The following MYO9A variants were observed in gnomAD, a reference collection of about 807,000 sequenced individuals.
MYO9A encodes myosin IXA, also known as unconventional myosin-IXa.
A neutral mutation model predicts 293.3 loss-of-function variants in MYO9A; 103 were observed. The ratio of observed to expected loss-of-function variants is 0.35; its 90% CI spans 0.30 to 0.41. The LOEUF (loss-of-function observed/expected upper bound fraction) is 0.41. MYO9A is among the 10% of genes least tolerant of loss of function. The pLI, the probability that MYO9A is intolerant of heterozygous loss-of-function variation, is 1.00. For synonymous variants in MYO9A, 1,001 were observed against 1,035.7 expected, an observed-to-expected ratio of 0.97 and a Z score of 0.64; for missense variants, 2,685 against 3,033.0, an observed-to-expected ratio of 0.89 and a Z score of 2.69.
At chr15:71,979,223 C>G (rs1002380193) in intron 11 of MYO9A, among the ~76,000 whole-genome samples, 2 of 152,102 alleles carry the variant, frequency 1.3e-5, no homozygotes, top group African/African-American at 4.8e-5. Flanking sequence ...GTTACTCTAA[C>G]TAGGAAAGGT....
Position 71,927,084 on chromosome 15 carries a change from G to T in MYO9A, c.2562+6586C>A, listed in dbSNP as rs1040518121. Among the ~76,000 whole-genome samples the T allele has an allele frequency of 1.3e-4, 20 of 152,116 alleles. 1 individual carries two copies. The highest frequency in any genetic ancestry group is 3.9e-4 in the Admixed American group (6 of 15,276). ...GCCCATCCTCAGGCCCTCGGGGAGG[G>T]CACAAATCCAATGATCACAGGAGCT... On this transcript the variant is annotated intron_variant, in intron 18 of 41. Coordinates refer to ENST00000356056, the MANE Select transcript of MYO9A (RefSeq NM_006901.4).
chr15:71,936,607 T>C (rs926989249), intron 16 of MYO9A, among the ~76,000 whole-genome samples: 15 of 152,130 alleles, frequency 9.9e-5, no homozygotes, highest in African/African-American at 3.1e-4. Context: ...ATAATATGTA[T>C]AATTATTATG....
chr15:71,848,745 A>G (rs1283871617), intron 39 of MYO9A, 100 bp downstream of exon 39: 1 of 1,358,558 alleles, frequency 7.4e-7, no homozygotes, highest in African/African-American at 1.5e-5. Flanking sequence ...TGTTTTTTAT[A>G]AAAAAGATTC....
intron 16 of MYO9A, among the ~76,000 whole-genome samples, chr15:71,936,685 A>C (rs1055291436): frequency 6.6e-6 from 1 of 152,146 alleles, no homozygotes; most frequent in African/African-American, 2.4e-5. Flanking sequence ...ACATTTGTCC[A>C]TATTTATAAA....
intron 1 of MYO9A, among the ~76,000 whole-genome samples, chr15:72,098,891 G>A (rs1333512174): frequency 6.6e-6 from 1 of 151,332 alleles, no homozygotes; most frequent in Non-Finnish European, 1.5e-5. Flanking sequence ...ACGAAGAAGT[G>A]ATAAGTAGAG....
At chr15:71,981,198 T>C (rs946133272) in intron 11 of MYO9A, among the ~76,000 whole-genome samples, 1 of 152,246 alleles carries the variant, frequency 6.6e-6, no homozygotes, top group African/African-American at 2.4e-5. Context: ...AATGTTTGTT[T>C]AGAATTTTTG....
intron 1 of MYO9A, among the ~76,000 whole-genome samples, chr15:72,101,105 G>C (rs1340340901): frequency 4.9e-5 from 7 of 141,826 alleles, no homozygotes; most frequent in Admixed American, 1.4e-4. Flanking sequence ...CGCCCCGTCC[G>C]GGAGGGAGGT....
intron 32 of MYO9A, among the ~76,000 whole-genome samples, chr15:71,869,472 TAAGG>T (rs1412674336): frequency 6.6e-6 from 1 of 152,150 alleles, no homozygotes; most frequent in African/African-American, 2.4e-5. Context: ...CTAAGAAGGC[TAAGG>T]AACTGTTCTT....
At chr15:72,067,108 TATATG>T (rs2079045173) in intron 1 of MYO9A, among the ~76,000 whole-genome samples, 1 of 146,838 alleles carries the variant, frequency 6.8e-6, no homozygotes, top group African/African-American at 2.5e-5. Context: ...AATATAATCT[TATATG>T]ATATAATCTA....
intron 6 of MYO9A, among the ~76,000 whole-genome samples, chr15:72,012,842 T>C (rs2077214209): frequency 6.6e-6 from 1 of 152,200 alleles, no homozygotes; most frequent in South Asian, 2.1e-4. Flanking sequence ...ACAATTAATG[T>C]ATATAAAATA....
Position 71,880,482 on chromosome 15 carries a change from G to C in MYO9A, c.5475C>G (p.Asn1825Lys). The C allele has an allele frequency of 6.2e-7, 1 of 1,614,204 alleles. No homozygotes were observed. The highest frequency in any genetic ancestry group is 1.1e-5 in the South Asian group (1 of 91,090). The change falls in exon 29 of 42, where the codon AAC becomes AAG. Residue 1825 changes from asparagine (N) to lysine (K), a missense_variant. Asn to Lys is a moderately conservative substitution (Grantham distance 94, BLOSUM62 0). Transcript: ENST00000356056. ...GCTTAGCCTTTGGAGAAGGTTCTTT[G>C]TTCTCTTTGAATTCCTTCCGGCAAC... is the stretch of plus-strand genomic sequence containing the variant. Reference protein sequence around the residue: ...PGSCRKEFKENKEPSPKAKRK... With the variant: ...PGSCRKEFKEKKEPSPKAKRK...
chr15:71,884,545 T>G (rs539410008), intron 27 of MYO9A, among the ~76,000 whole-genome samples: 81 of 152,272 alleles, frequency 5.3e-4, no homozygotes, highest in African/African-American at 1.9e-3. Flanking sequence ...TAGGTAACTT[T>G]CCCAAAGTTT....
intron 27 of MYO9A, among the ~76,000 whole-genome samples, chr15:71,884,960 T>A (rs1397310688): frequency 1.0e-5 from 1 of 96,202 alleles, no homozygotes; most frequent in Non-Finnish European, 1.9e-5. Context: ...TCTTTCTTCC[T>A]TTTTTTTTTT....
chr15:71,850,546 C>G (rs2141293206), intron 37 of MYO9A, among the ~76,000 whole-genome samples: 2 of 152,140 alleles, frequency 1.3e-5, no homozygotes, highest in South Asian at 4.2e-4. Flanking sequence ...GGGCAGATTA[C>G]TTGTGGTCAG....
At chr15:71,901,043 T>C in intron 23 of MYO9A, 148 bp downstream of exon 23, 1 of 699,492 alleles carries the variant, frequency 1.4e-6, no homozygotes, top group Non-Finnish European at 2.3e-6. Context: ...TGTTGGGTGT[T>C]ATGAGCACTT....
In MYO9A at chr15:71,822,766, T is replaced by C. The variant is rs552358549; in HGVS notation, c.*3814A>G. ...TAAATAGGCATTAAGAATGGATGAC[T>C]AGCAAGGTGACAGGCCCATTGTTGG... On this transcript the variant is annotated 3_prime_UTR_variant, in exon 42 of 42. Transcript: ENST00000356056. 10 of 152,324 alleles carry C rather than the reference T, an allele frequency of 6.6e-5. No homozygotes were observed. Among genetic ancestry groups the C allele is most frequent in the Admixed American group, 4.6e-4 (7 of 15,292 alleles). The allele number at this position is 152,324 out of a possible 1,614,324, so 9.4% of individuals were successfully genotyped here.
At chr15:71,982,980 G>C (rs2076313306) in intron 11 of MYO9A, among the ~76,000 whole-genome samples, 1 of 151,840 alleles carries the variant, frequency 6.6e-6, no homozygotes, top group South Asian at 2.1e-4. Flanking sequence ...TTTTCTTAAG[G>C]TTTACTAAAT....
chr15:71,910,130 G>A (rs1466458552), intron 19 of MYO9A, among the ~76,000 whole-genome samples: 2 of 133,384 alleles, frequency 1.5e-5, no homozygotes, highest in East Asian at 4.2e-4. Flanking sequence ...ATATACACGT[G>A]TATATATATA....
At chr15:71,938,985 A>C in intron 15 of MYO9A, 58 bp from the exon 16 acceptor site, 1 of 1,365,116 alleles carries the variant, frequency 7.3e-7, no homozygotes, top group Non-Finnish European at 1.0e-6. Flanking sequence ...ATGAAACGTG[A>C]AATAGTTTTT....
Sources: gnomAD v4.1 joint callset for allele counts (sites outside exome capture counted in the v4.1 genomes callset) on GRCh38, gnomAD v4.1.1 for gene constraint, MANE v1.5 for transcripts, NCBI Gene and HGNC (gene_info 2026-07-23, HGNC 2026-07-21) for gene names.